MALRD1: variants seen among roughly 807,000 people sequenced by gnomAD.
The protein encoded by MALRD1 is MAM and LDL receptor class A domain containing 1.
In MALRD1, 247 loss-of-function variants were observed where a neutral mutation model predicts 242.1. The ratio of observed to expected loss-of-function variants is 1.02; its 90% CI spans 0.92 to 1.13. MALRD1 has a LOEUF of 1.13. Ranked by LOEUF, MALRD1 falls within the 50% of genes most tolerant of loss-of-function variation. The probability of loss-of-function intolerance (pLI) is 0.00; values close to 1 mark genes in which losing one functional copy is unlikely to be tolerated. For missense variants in MALRD1, 2,989 were observed against 2,533.1 expected (o/e 1.18, Z -3.86); for synonymous variants, 995 against 866.6 (o/e 1.15, Z -2.60).
intron 29 of MALRD1, among the ~76,000 whole-genome samples, chr10:19,466,942 T>TTTCC (rs1836243580): frequency 6.6e-6 from 1 of 152,224 alleles, no homozygotes; most frequent in South Asian, 2.1e-4. Context: ...GCATTACCAA[T>TTTCC]TTTGGATTTT....
rs536739638 is a variant in MALRD1, at chr10:19,684,829, G to A, written c.6138-7453G>A. 2.2e-3 allele frequency among the ~76,000 whole-genome samples: 332 copies of A among 152,140 alleles called. 4 individuals are homozygous for A. Among genetic ancestry groups the A allele is most frequent in the African/African-American group, 7.3e-3 (305 of 41,504 alleles). On this transcript the variant is annotated intron_variant, in intron 36 of 39. Coordinates refer to ENST00000454679, the MANE Select transcript of MALRD1 (RefSeq NM_001142308.3). ...GTACTGTGAAACAAAATTATAAATC[G>A]AATCTGGAATATATTCCAAACATAC...
chr10:19,311,594 CAAT>C (rs1842426502), intron 21 of MALRD1, among the ~76,000 whole-genome samples: 1 of 151,180 alleles, frequency 6.6e-6, no homozygotes. Flanking sequence ...ATATTTTTAT[CAAT>C]AAAATTCTAA....
intron 35 of MALRD1, among the ~76,000 whole-genome samples, chr10:19,611,933 G>T (rs1479778063): frequency 1.3e-5 from 2 of 151,904 alleles, no homozygotes; most frequent in Middle Eastern, 3.2e-3. Flanking sequence ...CTCCACTATA[G>T]AGCATAAAAA....
chr10:19,183,841 C>T (rs1835626672), intron 14 of MALRD1, among the ~76,000 whole-genome samples: 3 of 152,152 alleles, frequency 2.0e-5, no homozygotes, highest in Admixed American at 2.0e-4. Flanking sequence ...TGTTTCCATA[C>T]TTATTTATAT....
chr10:19,661,755 G>A (rs1294367786), intron 36 of MALRD1, among the ~76,000 whole-genome samples: 1 of 152,212 alleles, frequency 6.6e-6, no homozygotes, highest in Middle Eastern at 3.4e-3. Context: ...TGCACGTTGT[G>A]CACATGTACC....
Position 19,312,427 on chromosome 10 carries a change from T to A in MALRD1, c.3420-11522T>A, listed in dbSNP as rs866232864. ...GTGTATATGTGTGTGTGTGTGTGTG[T>A]GAGAGAGAGAGAGAGTTTGTGTATA... is the stretch of plus-strand genomic sequence containing the variant. On this transcript the variant is annotated intron_variant, in intron 21 of 39. Transcript: ENST00000454679. 2.8e-3 allele frequency among the ~76,000 whole-genome samples: 408 copies of A among 147,098 alleles called. 3 individuals carry two copies. Among genetic ancestry groups the A allele is most frequent in the Middle Eastern group, 0.017 (5 of 292 alleles).
chr10:19,721,096 C>G (rs752463066), intron 38 of MALRD1, among the ~76,000 whole-genome samples: 16 of 151,830 alleles, frequency 1.1e-4, no homozygotes, highest in Non-Finnish European at 1.9e-4. Flanking sequence ...AAACAGTACA[C>G]TGGTTAAGAA....
chr10:19,051,557 C>G (rs938835352), intron 1 of MALRD1: 2 of 173,584 alleles, frequency 1.2e-5, no homozygotes, highest in Admixed American at 1.2e-4. Flanking sequence ...TAGCTAGGAT[C>G]TAGAAGATGA....
Position 19,180,861 on chromosome 10 carries a change from A to C in MALRD1, c.1951+5533A>C, listed in dbSNP as rs1414067670. Among the ~76,000 whole-genome samples, 3 of 152,352 alleles carry C rather than the reference A, an allele frequency of 2.0e-5. No individual in the cohort carries two copies. The East Asian group carries it at 5.8e-4, about 29-fold the overall frequency. On this transcript the variant is annotated intron_variant, in intron 14 of 39. Coordinates refer to ENST00000454679, the MANE Select transcript of MALRD1 (RefSeq NM_001142308.3). ...TTCAAAATTTATGAAGATTTTATAC[A>C]ACTCAGAAATAGATAAATAGATAAA... is the stretch of plus-strand genomic sequence containing the variant.
intron 22 of MALRD1, among the ~76,000 whole-genome samples, chr10:19,325,651 G>T (rs1342319814): frequency 6.6e-6 from 1 of 152,066 alleles, no homozygotes; most frequent in Admixed American, 6.6e-5. Flanking sequence ...GGGAAGCCCT[G>T]TCTGAAATAA....
chr10:19,368,312 C>A (rs1030859283), intron 26 of MALRD1, among the ~76,000 whole-genome samples: 1 of 151,924 alleles, frequency 6.6e-6, no homozygotes, highest in Admixed American at 6.6e-5. Flanking sequence ...AGGCGGGGGC[C>A]TAGTTTCCTT....
intron 1 of MALRD1, among the ~76,000 whole-genome samples, chr10:19,065,618 A>G (rs1834955404): frequency 6.6e-6 from 1 of 152,032 alleles, no homozygotes; most frequent in Non-Finnish European, 1.5e-5. Flanking sequence ...GAGGAACACA[A>G]CCTGGGGAGG....
At chr10:19,710,675 C>G (rs1834066166) in intron 38 of MALRD1, 1 of 152,202 alleles carries the variant, frequency 6.6e-6, no homozygotes, top group Non-Finnish European at 1.5e-5. Flanking sequence ...TGTATTACGG[C>G]TCCATATTCT....
chr10:19,679,751 C>G (rs1455148300), intron 36 of MALRD1, among the ~76,000 whole-genome samples: 2 of 151,824 alleles, frequency 1.3e-5, no homozygotes, highest in Admixed American at 1.3e-4. Context: ...GTTAGGATGT[C>G]AATTTGAGAT....
chr10:19,576,286 C>G (rs1413976555), intron 33 of MALRD1, among the ~76,000 whole-genome samples: 1 of 152,184 alleles, frequency 6.6e-6, no homozygotes, highest in African/African-American at 2.4e-5. Context: ...ATACCACTTC[C>G]AATCCCAAGT....
chr10:19,459,122 T>C (rs1419367285), intron 29 of MALRD1, among the ~76,000 whole-genome samples: 1 of 152,098 alleles, frequency 6.6e-6, no homozygotes, highest in African/African-American at 2.4e-5. Context: ...TATGGTTGCT[T>C]AATTAATAAA....
chr10:19,253,492 A>G (rs547544637), intron 18 of MALRD1, among the ~76,000 whole-genome samples: 1 of 152,074 alleles, frequency 6.6e-6, no homozygotes, highest in East Asian at 1.9e-4. Context: ...TGGGATTCAG[A>G]GGATCAGCTC....
intron 5 of MALRD1, among the ~76,000 whole-genome samples, chr10:19,106,839 A>G (rs1183278063): frequency 1.6e-4 from 24 of 151,810 alleles, no homozygotes; most frequent in Admixed American, 1.6e-3. Context: ...CTCCATCTTT[A>G]TTTGTCTCAA....
intron 2 of MALRD1, among the ~76,000 whole-genome samples, chr10:19,074,090 G>T (rs1329276259): frequency 6.6e-6 from 1 of 152,056 alleles, no homozygotes; most frequent in Non-Finnish European, 1.5e-5. Flanking sequence ...AAGAAGATAG[G>T]CTAACAGTGT....
Sources: allele counts gnomAD v4.1 joint callset (sites outside exome capture counted in the v4.1 genomes callset), GRCh38; gene constraint gnomAD v4.1.1; transcripts MANE v1.5; gene names NCBI Gene and HGNC (gene_info 2026-07-23, HGNC 2026-07-21).